The following CNTNAP2 variants were observed in gnomAD, a reference collection of about 807,000 sequenced individuals.
The protein encoded by CNTNAP2 is contactin-associated protein-like 2.
A neutral mutation model predicts 155.2 loss-of-function variants in CNTNAP2; 98 were observed. The ratio of observed to expected loss-of-function variants is 0.63; its 90% confidence interval spans 0.54 to 0.75. The LOEUF (loss-of-function observed/expected upper bound fraction) is 0.75, where lower values mean the gene tolerates loss of function less well. CNTNAP2 is among the 30% of genes least tolerant of loss of function. CNTNAP2 has a pLI of 0.00. For synonymous variants in CNTNAP2, 651 were observed against 631.2 expected (o/e 1.03, Z -0.47); for missense variants, 1,727 against 1,688.1 (o/e 1.02, Z -0.40).
chr7:146,366,418 C>A (rs1464945360), intron 1 of CNTNAP2, among the ~76,000 whole-genome samples: 1 of 151,982 alleles, frequency 6.6e-6, no homozygotes, highest in Admixed American at 6.6e-5. Flanking sequence ...AACCATTTAT[C>A]CGGACAAGGC....
At chr7:146,262,493 C>T (rs920962582) in intron 1 of CNTNAP2, among the ~76,000 whole-genome samples, 1 of 152,150 alleles carries the variant, frequency 6.6e-6, no homozygotes, top group Non-Finnish European at 1.5e-5. Flanking sequence ...AGAAATATTT[C>T]TTCTCTTCCA....
At chr7:146,906,121 C>A (rs1271091788) in intron 3 of CNTNAP2, among the ~76,000 whole-genome samples, 1 of 152,226 alleles carries the variant, frequency 6.6e-6, no homozygotes, top group Non-Finnish European at 1.5e-5. Context: ...CACCACGGGA[C>A]TATATCCCAC....
At chr7:147,113,509 C>A (rs1215258087) in intron 5 of CNTNAP2, among the ~76,000 whole-genome samples, 1 of 151,296 alleles carries the variant, frequency 6.6e-6, no homozygotes, top group Non-Finnish European at 1.5e-5. Flanking sequence ...AGGAAACTTA[C>A]AATCAGGGCC....
At chr7:147,757,562 TA>T (rs1797230157) in intron 13 of CNTNAP2, among the ~76,000 whole-genome samples, 1 of 152,144 alleles carries the variant, frequency 6.6e-6, no homozygotes, top group South Asian at 2.1e-4. Flanking sequence ...GTAAATAAAA[TA>T]AAAAACTAAT....
chr7:146,873,478 G>C (rs1479653064), intron 3 of CNTNAP2, among the ~76,000 whole-genome samples: 1 of 152,078 alleles, frequency 6.6e-6, no homozygotes, highest in African/African-American at 2.4e-5. Flanking sequence ...ATTACTTGCT[G>C]TGTGCCAGGG....
At chr7:146,343,958 A>G (rs980244733) in intron 1 of CNTNAP2, among the ~76,000 whole-genome samples, 13 of 152,102 alleles carry the variant, frequency 8.5e-5, no homozygotes, top group Non-Finnish European at 1.5e-4. Flanking sequence ...ATATTTTATC[A>G]TAGTTTTCTG....
At chr7:147,119,747 G>A (rs1801064525) in intron 5 of CNTNAP2, among the ~76,000 whole-genome samples, 2 of 151,800 alleles carry the variant, frequency 1.3e-5, no homozygotes, top group South Asian at 4.2e-4. Context: ...AGTGTGGGAG[G>A]GGAAAGAAAG....
chr7:146,765,424 G>T (rs772798646), intron 1 of CNTNAP2, among the ~76,000 whole-genome samples: 42 of 152,184 alleles, frequency 2.8e-4, no homozygotes, highest in Non-Finnish European at 5.1e-4. Context: ...AAGCTAAACA[G>T]ATGAAGTGAA....
At chr7:146,335,201 G>A (rs1419126783) in intron 1 of CNTNAP2, among the ~76,000 whole-genome samples, 1 of 152,148 alleles carries the variant, frequency 6.6e-6, no homozygotes, top group Non-Finnish European at 1.5e-5. Context: ...TATGTTGAGA[G>A]TTTTCATTAT....
chr7:146,504,656 A>G (rs1189646459), intron 1 of CNTNAP2, among the ~76,000 whole-genome samples: 1 of 152,210 alleles, frequency 6.6e-6, no homozygotes, highest in East Asian at 1.9e-4. Flanking sequence ...GCTAAGAGGT[A>G]GAGCCACCAG....
At chr7:147,877,753 T>C (rs1349851077) in intron 13 of CNTNAP2, among the ~76,000 whole-genome samples, 2 of 152,154 alleles carry the variant, frequency 1.3e-5, no homozygotes, top group African/African-American at 4.8e-5. Flanking sequence ...TGTTTGTTTG[T>C]TTATCTTTGT....
intron 4 of CNTNAP2, among the ~76,000 whole-genome samples, chr7:147,101,542 C>T (rs574664289): frequency 2.6e-5 from 4 of 152,246 alleles, no homozygotes; most frequent in South Asian, 2.1e-4. Context: ...CCTCTTGATA[C>T]GCAGGTCCTT....
chr7:148,047,444 T>C (rs1359882908), intron 15 of CNTNAP2, among the ~76,000 whole-genome samples: 3 of 152,224 alleles, frequency 2.0e-5, no homozygotes, highest in African/African-American at 4.8e-5. Context: ...TAGGCATGTT[T>C]TCCCCATAAG....
intron 15 of CNTNAP2, among the ~76,000 whole-genome samples, chr7:148,056,083 C>A (rs1386316192): frequency 1.3e-5 from 2 of 152,190 alleles, no homozygotes; most frequent in Admixed American, 1.3e-4. Context: ...AAAAGATATG[C>A]AGACTGTATA....
intron 1 of CNTNAP2, among the ~76,000 whole-genome samples, chr7:146,275,559 G>A (rs1228919833): frequency 6.6e-6 from 1 of 152,154 alleles, no homozygotes; most frequent in Non-Finnish European, 1.5e-5. Flanking sequence ...GAAGATCAAA[G>A]TAAACCCACA....
chr7:148,160,155 G>A (rs779866317), intron 17 of CNTNAP2, among the ~76,000 whole-genome samples: 5 of 152,252 alleles, frequency 3.3e-5, no homozygotes, highest in African/African-American at 9.6e-5. Context: ...TGAGAGGATC[G>A]CCTGAGCCCA....
intron 9 of CNTNAP2, among the ~76,000 whole-genome samples, chr7:147,331,778 G>A (rs1490931093): frequency 6.6e-6 from 1 of 152,120 alleles, no homozygotes; most frequent in Admixed American, 6.5e-5. Flanking sequence ...TTGGCCACTG[G>A]CCAGACCTTG....
intron 1 of CNTNAP2, among the ~76,000 whole-genome samples, chr7:146,483,953 T>C (rs1287852861): frequency 1.3e-5 from 2 of 152,188 alleles, no homozygotes; most frequent in Non-Finnish European, 2.9e-5. Context: ...AGCCTTCACA[T>C]TCACCCACCA....
chr7:146,479,692 C>CAA (rs147515090), intron 1 of CNTNAP2, among the ~76,000 whole-genome samples: 1 of 150,632 alleles, frequency 6.6e-6, no homozygotes, highest in African/African-American at 2.4e-5. Context: ...CTTAATGGAC[C>CAA]AAAAAAAACC....
Sources: gnomAD v4.1 joint callset for allele counts (sites outside exome capture counted in the v4.1 genomes callset) on GRCh38, gnomAD v4.1.1 for gene constraint, MANE v1.5 for transcripts, NCBI Gene and HGNC (gene_info 2026-07-23, HGNC 2026-07-21) for gene names.